The following HTR4 variants were observed in gnomAD, a reference collection of about 807,000 sequenced individuals.
HTR4 encodes the protein 5-hydroxytryptamine receptor 4.
HTR4 carries 16 observed loss-of-function variants against 36.8 expected under a neutral mutation model. The ratio of observed to expected loss-of-function variants is 0.43; its 90% CI spans 0.29 to 0.66. The LOEUF (loss-of-function observed/expected upper bound fraction) is 0.66, where lower values mean the gene tolerates loss of function less well. Among genes scored for constraint, HTR4 ranks in the 30% least tolerant of loss-of-function variants. The pLI, the probability that HTR4 is intolerant of heterozygous loss-of-function variation, is 0.13. For missense variants in HTR4, 438 were observed against 490.9 expected, an observed-to-expected ratio of 0.89 and a Z score of 1.02; for synonymous variants, 189 against 185.1, an observed-to-expected ratio of 1.02 and a Z score of -0.17.
chr5:148,597,755 A>G (rs1462376369), intron 2 of HTR4, among the ~76,000 whole-genome samples: 1 of 152,144 alleles, frequency 6.6e-6, no homozygotes, highest in South Asian at 2.1e-4. Flanking sequence ...TAAAGAATCA[A>G]TTTCTTTTCC....
At chr5:148,615,304 G>A (rs1457227841) in intron 2 of HTR4, among the ~76,000 whole-genome samples, 2 of 152,042 alleles carry the variant, frequency 1.3e-5, no homozygotes, top group Non-Finnish European at 2.9e-5. Flanking sequence ...TGATAGACTG[G>A]ATTAAGCAAA....
intron 6 of HTR4, among the ~76,000 whole-genome samples, chr5:148,486,350 C>A (rs943798020): frequency 4.6e-5 from 7 of 152,162 alleles, no homozygotes; most frequent in African/African-American, 1.7e-4. Context: ...ATCCTCAGTG[C>A]ACATGGCTTT....
chr5:148,567,753 C>G (rs1391315242), intron 2 of HTR4, among the ~76,000 whole-genome samples: 2 of 152,102 alleles, frequency 1.3e-5, no homozygotes, highest in Non-Finnish European at 1.5e-5. Flanking sequence ...TCAAAGGTGT[C>G]CCCATCAAAG....
intron 2 of HTR4, among the ~76,000 whole-genome samples, chr5:148,556,268 C>T (rs1408851568): frequency 5.3e-5 from 8 of 152,202 alleles, no homozygotes; most frequent in African/African-American, 1.9e-4. Flanking sequence ...AGGTGATCTG[C>T]CCGCCTCGGC....
chr5:148,634,615 T>C (rs944340472), intron 2 of HTR4, among the ~76,000 whole-genome samples: 1 of 151,950 alleles, frequency 6.6e-6, no homozygotes, highest in East Asian at 1.9e-4. Flanking sequence ...AGCTAGAAAA[T>C]TTTCCTGAAG....
At chr5:148,503,467 A>T (rs11742187) in intron 6 of HTR4, among the ~76,000 whole-genome samples, 1,885 of 152,246 alleles carry the variant, frequency 0.012, 19 homozygotes, top group Non-Finnish European at 0.021. Context: ...CCACCAGGCC[A>T]GCCCTAAAAG....
intron 6 of HTR4, among the ~76,000 whole-genome samples, chr5:148,488,596 T>C (rs1756271450): frequency 6.6e-6 from 1 of 152,070 alleles, no homozygotes; most frequent in Non-Finnish European, 1.5e-5. Context: ...AGTGGTGATA[T>C]GATAAAAAAA....
At chr5:148,472,805 A>G (rs1206007132), downstream of HTR4, among the ~76,000 whole-genome samples, 1 of 152,164 alleles carries the variant, frequency 6.6e-6, no homozygotes, top group African/African-American at 2.4e-5. Context: ...TTGTACTCTG[A>G]ATTGGGCACT....
chr5:148,601,632 C>A (rs1406673637), intron 2 of HTR4, among the ~76,000 whole-genome samples: 2 of 152,070 alleles, frequency 1.3e-5, no homozygotes, highest in African/African-American at 4.8e-5. Context: ...GAAACCTTCT[C>A]TTTGCTAAAA....
intron 2 of HTR4, among the ~76,000 whole-genome samples, chr5:148,587,780 A>G (rs1054992468): frequency 3.9e-5 from 6 of 152,188 alleles, no homozygotes; most frequent in African/African-American, 1.4e-4. Flanking sequence ...GAAGAAAGGG[A>G]AACTCCAGCT....
intron 2 of HTR4, among the ~76,000 whole-genome samples, chr5:148,566,366 T>C (rs1047000305): frequency 6.6e-6 from 1 of 152,172 alleles, no homozygotes; most frequent in Non-Finnish European, 1.5e-5. Flanking sequence ...AGTGGTTACC[T>C]TCTTCCTCCA....
chr5:148,588,972 C>T (rs1761454530), intron 2 of HTR4, among the ~76,000 whole-genome samples: 1 of 151,646 alleles, frequency 6.6e-6, no homozygotes. Flanking sequence ...TGATGGTATC[C>T]TTTTGAAAGC....
At chr5:148,599,814 A>G (rs188046219) in intron 2 of HTR4, among the ~76,000 whole-genome samples, 2 of 151,936 alleles carry the variant, frequency 1.3e-5, no homozygotes, top group East Asian at 1.9e-4. Flanking sequence ...GAAAGGAAGG[A>G]GATAAATGGA....
rs375627670 is a variant in HTR4 at position 148,518,806 on chromosome 5, C to T, written c.507+4387G>A. Among the ~76,000 whole-genome samples, 16 of 152,278 alleles carry T rather than the reference C, an allele frequency of 1.1e-4. No individual in the cohort carries two copies. The East Asian group carries it at 2.3e-3, about 22-fold the overall frequency. On this transcript the variant is annotated intron_variant, in intron 5 of 6. Coordinates refer to ENST00000377888, the MANE Select transcript of HTR4 (RefSeq NM_000870.7). ...TGATTATTGCAATTTTGTTCCAAAACACTTTTTTTCTTAGTGCTTACATGA... is the reference window on the plus strand; with the variant it reads ...TGATTATTGCAATTTTGTTCCAAAATACTTTTTTTCTTAGTGCTTACATGA...
At position 148,653,749 on chromosome 5, in the gene HTR4, C is replaced by T. The variant is rs984492704; in HGVS notation, c.-48+313G>A. On this transcript the variant is annotated intron_variant, in intron 1 of 6. Coordinates refer to ENST00000377888, the MANE Select transcript of HTR4 (RefSeq NM_000870.7). ...TCTCTCTTACACACACGCACACACA[C>T]AAATCTTTACATACACAACCTCCCT... Among the ~76,000 whole-genome samples the T allele has an allele frequency of 2.0e-5, 3 of 152,200 alleles. No individual in the cohort carries two copies. The South Asian group carries it at 6.2e-4, about 32-fold the overall frequency.
chr5:148,451,213 T>A (rs1754965796), exon 6 of HTR4: 1 of 1,613,728 alleles, frequency 6.2e-7, no homozygotes, highest in Non-Finnish European at 8.5e-7. Context: ...GGATTCTGGG[T>A]CATTGTGTAT....
At chr5:148,483,740 G>A (rs1482951843) in intron 6 of HTR4, among the ~76,000 whole-genome samples, 1 of 152,050 alleles carries the variant, frequency 6.6e-6, no homozygotes, top group Non-Finnish European at 1.5e-5. Context: ...ATTTTCGCAG[G>A]GAGCCTGACT....
intron 5 of HTR4, among the ~76,000 whole-genome samples, chr5:148,510,763 T>G (rs1757459374): frequency 6.6e-6 from 1 of 152,264 alleles, no homozygotes; most frequent in African/African-American, 2.4e-5. Flanking sequence ...CGTATTGAGT[T>G]CCCTGATGAA....
intron 4 of HTR4, among the ~76,000 whole-genome samples, chr5:148,524,239 G>T (rs532655316): frequency 6.6e-6 from 1 of 152,122 alleles, no homozygotes; most frequent in African/African-American, 2.4e-5. Context: ...GCATCCTTAC[G>T]GCTGGATAGG....
Sources: gnomAD v4.1 joint callset for allele counts (sites outside exome capture counted in the v4.1 genomes callset) on GRCh38, gnomAD v4.1.1 for gene constraint, MANE v1.5 for transcripts, NCBI Gene and HGNC (gene_info 2026-07-23, HGNC 2026-07-21) for gene names.